The following CASZ1 variants were observed in gnomAD, a reference collection of about 807,000 sequenced individuals.
CASZ1 encodes castor zinc finger 1, also known as zinc finger protein castor homolog 1.
A neutral mutation model predicts 135.2 loss-of-function variants in CASZ1; 28 were observed. That is an observed-to-expected ratio of 0.21 (90% CI 0.15 to 0.28). The LOEUF is 0.28. Among genes scored for constraint, CASZ1 ranks in the 10% least tolerant of loss-of-function variants. The pLI, the probability that CASZ1 is intolerant of heterozygous loss-of-function variation, is 1.00. For synonymous variants in CASZ1, 1,068 were observed against 1,073.4 expected (o/e 0.99, Z 0.10); for missense variants, 2,161 against 2,453.3 (o/e 0.88, Z 2.52).
At position 10,788,443 on chromosome 1, in the gene CASZ1, G is replaced by A. The variant is rs1570594330; in HGVS notation, c.-234+8121C>T. ...CCACCAGAGCAGGGGGCCCTAGAGGGTCCTTAGACTGCATTTATAAGATCT... is the reference window on the plus strand; with the variant it reads ...CCACCAGAGCAGGGGGCCCTAGAGGATCCTTAGACTGCATTTATAAGATCT... On this transcript the variant is annotated intron_variant, in intron 1 of 20. Coordinates refer to ENST00000377022, the MANE Select transcript of CASZ1 (RefSeq NM_001079843.3). The surrounding 1 kb of genome is among the most constrained non-coding windows in gnomAD (Gnocchi z 4.1). Among the ~76,000 whole-genome samples, 1 of 152,234 alleles carries A rather than the reference G, an allele frequency of 6.6e-6. No homozygotes were observed. Among genetic ancestry groups the A allele is most frequent in the African/African-American group, 2.4e-5 (1 of 41,538 alleles).
rs1640235357 is a variant in CASZ1, at chr1:10,755,510, C to T, written c.-77+5191G>A. 1.3e-5 allele frequency among the ~76,000 whole-genome samples: 2 copies of T among 152,174 alleles called. No individual in the cohort carries two copies. On this transcript the variant is annotated intron_variant, in intron 2 of 20. Transcript: ENST00000377022. This position sits in a 1 kb window ranked among gnomAD's most constrained non-coding sequence, Gnocchi z 4.3. The stretch of plus-strand genomic sequence containing the variant: ...CGGGTTGTCCCATCCTTTGGATCAA[C>T]TGCGTCACCCGCCGAGAAGTCCCCC...
Position 10,686,144 on chromosome 1 carries a change from T to C in CASZ1, c.16+7730A>G, listed in dbSNP as rs559497640. 8.0e-5 allele frequency among the ~76,000 whole-genome samples: 12 copies of C among 150,716 alleles called. No homozygotes were observed. In the East Asian group the frequency reaches 2.3e-3, roughly 29 times the overall value. On this transcript the variant is annotated intron_variant, in intron 4 of 20. Transcript: ENST00000377022. ...CCCAGCACGGGGGCCTGTGGGCGCC[T>C]GGCCGTCCTCTCCTCTCCTTACATG...
In CASZ1 at chr1:10,647,649, C is replaced by G. The variant is rs494711; in HGVS notation, c.3497+152G>C. Reference sequence around the variant, plus strand: ...GAGGTAGGAGCAGCAGCATCTTTGGCTAGAAGGACATCACCCGATGGCCAT... The same window carrying G: ...GAGGTAGGAGCAGCAGCATCTTTGGGTAGAAGGACATCACCCGATGGCCAT... On this transcript the variant is annotated intron_variant, in intron 16 of 20. Coordinates refer to ENST00000377022, the MANE Select transcript of CASZ1 (RefSeq NM_001079843.3). The surrounding 1 kb of genome is among the most constrained non-coding windows in gnomAD (Gnocchi z 4.9). 5 of 1,473,750 alleles carry G rather than the reference C, an allele frequency of 3.4e-6. No individual in the cohort carries two copies. Among genetic ancestry groups the G allele is most frequent in the Non-Finnish European group, 4.5e-6 (5 of 1,115,906 alleles). The allele number at this position is 1,473,750 out of a possible 1,614,324, so 91.3% of individuals were successfully genotyped here.
At chr1:10,640,851 C>A (rs1330468645) in intron 20 of CASZ1, among the ~76,000 whole-genome samples, 1 of 152,190 alleles carries the variant, frequency 6.6e-6, no homozygotes. Context: ...TTAGGATGCC[C>A]CCCTGCCAAG....
chr1:10,669,659 G>T (rs1643344495), intron 4 of CASZ1, among the ~76,000 whole-genome samples: 1 of 152,156 alleles, frequency 6.6e-6, no homozygotes, highest in African/African-American at 2.4e-5. Context: ...ACCTGGTCAG[G>T]GCCAGGCCCC....
rs545374778 is a variant in CASZ1 at position 10,741,134 on chromosome 1, C to G, written c.-77+19567G>C. Among the ~76,000 whole-genome samples the G allele has an allele frequency of 1.3e-5, 2 of 152,068 alleles. No individual in the cohort carries two copies. Among genetic ancestry groups the G allele is most frequent in the South Asian group, 2.1e-4 (1 of 4,824 alleles). Reference sequence around the variant, plus strand: ...CAGCCTCCCAAGCTGGGATTAGAGGCATGTACCTCCAATAATTTTTGTATT... The same window carrying G: ...CAGCCTCCCAAGCTGGGATTAGAGGGATGTACCTCCAATAATTTTTGTATT... On this transcript the variant is annotated intron_variant, in intron 2 of 20. Coordinates refer to ENST00000377022, the MANE Select transcript of CASZ1 (RefSeq NM_001079843.3). This position sits in a 1 kb window ranked among gnomAD's most constrained non-coding sequence, Gnocchi z 5.0.
rs1164480827 is a variant in CASZ1 at position 10,762,149 on chromosome 1, C to G, written c.-233-1292G>C. 6.6e-6 allele frequency among the ~76,000 whole-genome samples: 1 copy of G among 152,098 alleles called. No individual in the cohort carries two copies. Among genetic ancestry groups the G allele is most frequent in the Non-Finnish European group, 1.5e-5 (1 of 68,016 alleles). On this transcript the variant is annotated intron_variant, in intron 1 of 20. Coordinates refer to ENST00000377022, the MANE Select transcript of CASZ1 (RefSeq NM_001079843.3). This position sits in a 1 kb window ranked among gnomAD's most constrained non-coding sequence, Gnocchi z 4.1. ...GGACCTGAGTGCGAGGGGGAGTTGG[C>G]TCTTTGAAGGTGAGAGCTTCAGCAT...
Position 10,647,997 on chromosome 1 carries a change from C to T in CASZ1, c.3301G>A (p.Glu1101Lys). 1 of 1,603,068 alleles carries T rather than the reference C, an allele frequency of 6.2e-7. No homozygotes were observed. Among genetic ancestry groups the T allele is most frequent in the Non-Finnish European group, 8.5e-7 (1 of 1,174,122 alleles). The change falls in exon 16 of 21, where the codon GAG becomes AAG. Residue 1101 changes from glutamate (E) to lysine (K), a missense_variant. Coordinates refer to ENST00000377022, the MANE Select transcript of CASZ1 (RefSeq NM_001079843.3). This position sits in a 1 kb window ranked among gnomAD's most constrained non-coding sequence, Gnocchi z 4.9. ...GAGGCCGGGCTGGGAGCGGGCCCCT[C>T]CAGAGAGGACACCGTGGCCGTGGTG... ...PVTTATVSSL[E>K]GPAPSPASVP...
chr1:10,691,570 G>A (rs776632243), intron 4 of CASZ1, among the ~76,000 whole-genome samples: 1 of 152,168 alleles, frequency 6.6e-6, no homozygotes, highest in Non-Finnish European at 1.5e-5. Flanking sequence ...GCCCTCGGCT[G>A]AAGCTGCCCA....
intron 1 of CASZ1, among the ~76,000 whole-genome samples, chr1:10,795,295 G>A (rs1423837938): frequency 6.6e-6 from 1 of 152,106 alleles, no homozygotes; most frequent in African/African-American, 2.4e-5. Context: ...CTAAGTGACC[G>A]GGAAACCGGC....
rs139322750 is a variant in CASZ1 at position 10,762,786 on chromosome 1, A to C, written c.-233-1929T>G. On this transcript the variant is annotated intron_variant, in intron 1 of 20. Transcript: ENST00000377022. The surrounding 1 kb of genome is among the most constrained non-coding windows in gnomAD (Gnocchi z 4.1). ...ACATCTACCTCCCCAACTCCAGGCAAGGCGCTGGCAAGACCAGGGGCTGAC... is the reference window on the plus strand; with the variant it reads ...ACATCTACCTCCCCAACTCCAGGCACGGCGCTGGCAAGACCAGGGGCTGAC... 2.8e-3 allele frequency among the ~76,000 whole-genome samples: 424 copies of C among 152,304 alleles called. 1 individual carries two copies. Among genetic ancestry groups the C allele is most frequent in the Non-Finnish European group, 4.4e-3 (302 of 68,034 alleles).
rs1466466190 is a variant in CASZ1 at position 10,711,956 on chromosome 1, C to T, written c.-76-6412G>A. Among the ~76,000 whole-genome samples the T allele has an allele frequency of 6.6e-6, 1 of 152,090 alleles. No individual in the cohort carries two copies. The highest frequency in any genetic ancestry group is 1.5e-5 in the Non-Finnish European group (1 of 68,018). ...AGTGAGGAGGGACTGCTAAGGGGTT[C>T]AGGGTTTCTGTCTGGAGTGATGAAA... On this transcript the variant is annotated intron_variant, in intron 2 of 20. Transcript: ENST00000377022. The surrounding 1 kb of genome is among the most constrained non-coding windows in gnomAD (Gnocchi z 4.4).
rs2124660109 is a variant in CASZ1 at position 10,638,794 on chromosome 1, G to A, written c.*148C>T. The A allele has an allele frequency of 1.2e-6, 1 of 801,360 alleles. No individual in the cohort carries two copies. Among genetic ancestry groups the A allele is most frequent in the Non-Finnish European group, 1.5e-6 (1 of 662,140 alleles). 49.6% of individuals were successfully genotyped at this position (801,360 alleles called of 1,614,324 possible). ...CTGTGTCCTCGGCCGCGGAGCACCA[G>A]AGGGGTCCCCGCCTCTGTCCTGAGA... On this transcript the variant is annotated 3_prime_UTR_variant, in exon 21 of 21. Coordinates refer to ENST00000377022, the MANE Select transcript of CASZ1 (RefSeq NM_001079843.3). This position sits in a 1 kb window ranked among gnomAD's most constrained non-coding sequence, Gnocchi z 5.9.
chr1:10,698,572 C>T (rs994001677), intron 3 of CASZ1, among the ~76,000 whole-genome samples: 1 of 152,018 alleles, frequency 6.6e-6, no homozygotes, highest in Admixed American at 6.5e-5. Flanking sequence ...CCAGCAAAAT[C>T]CTTGAAAAAT....
At chr1:10,654,796 C>T (rs892931487) in intron 9 of CASZ1, among the ~76,000 whole-genome samples, 2 of 152,230 alleles carry the variant, frequency 1.3e-5, no homozygotes, top group Non-Finnish European at 2.9e-5. Flanking sequence ...CACAGAGGGA[C>T]CAAGTGCTGC....
At position 10,701,119 on chromosome 1, in the gene CASZ1, G is replaced by C. The variant is rs1449559116; in HGVS notation, c.-24+4373C>G. Among the ~76,000 whole-genome samples, 1 of 152,188 alleles carries C rather than the reference G, an allele frequency of 6.6e-6. No homozygotes were observed. Among genetic ancestry groups the C allele is most frequent in the African/African-American group, 2.4e-5 (1 of 41,446 alleles). Reference sequence around the variant, plus strand: ...CTTACAAATATCTACTTGGGCCCCTGATGCCAGGGCCAGCAGGTTGTCAAG... The same window carrying C: ...CTTACAAATATCTACTTGGGCCCCTCATGCCAGGGCCAGCAGGTTGTCAAG... On this transcript the variant is annotated intron_variant, in intron 3 of 20. Coordinates refer to ENST00000377022, the MANE Select transcript of CASZ1 (RefSeq NM_001079843.3). This position sits in a 1 kb window ranked among gnomAD's most constrained non-coding sequence, Gnocchi z 6.3.
chr1:10,765,903 C>A (rs1191903880), intron 1 of CASZ1, among the ~76,000 whole-genome samples: 2 of 152,214 alleles, frequency 1.3e-5, no homozygotes, highest in African/African-American at 2.4e-5. Flanking sequence ...ACCCCTCCCC[C>A]ACTTTAATTG....
intron 2 of CASZ1, among the ~76,000 whole-genome samples, chr1:10,718,799 T>C (rs1243019671): frequency 6.6e-6 from 1 of 152,240 alleles, no homozygotes; most frequent in Admixed American, 6.5e-5. Context: ...GACTGGGCAC[T>C]TAACCTGCAG....
intron 11 of CASZ1, 187 bp downstream of exon 11, chr1:10,653,190 A>G: frequency 1.5e-6 from 1 of 669,356 alleles, no homozygotes; most frequent in Non-Finnish European, 2.6e-6. Flanking sequence ...GGGGAGCCAG[A>G]ACCAGGGGCC....
Sources: gnomAD v4.1 joint callset for allele counts (sites outside exome capture counted in the v4.1 genomes callset) on GRCh38, gnomAD v4.1.1 for gene constraint, Gnocchi (gnomAD v3.1) non-coding constraint, MANE v1.5 for transcripts, NCBI Gene and HGNC (gene_info 2026-07-23, HGNC 2026-07-21) for gene names.